Variants in TMEM156 observed in about 807,000 individuals in gnomAD.
TMEM156 encodes transmembrane protein 156.
TMEM156 carries 28 observed loss-of-function variants against 30.5 expected under a neutral mutation model. The ratio of observed to expected loss-of-function variants is 0.92; its 90% CI spans 0.68 to 1.26. The LOEUF (loss-of-function observed/expected upper bound fraction) is 1.26, where lower values mean the gene tolerates loss of function less well. Ranked by LOEUF, TMEM156 falls within the 50% of genes most tolerant of loss-of-function variation. The pLI, the probability that TMEM156 is intolerant of heterozygous loss-of-function variation, is 0.00. For synonymous variants in TMEM156, 137 were observed against 119.9 expected (o/e 1.14, Z -0.93); for missense variants, 351 against 340.6 (o/e 1.03, Z -0.24).
At position 38,976,493 on chromosome 4, in the gene TMEM156, G is replaced by A. The variant is rs1722859816; in HGVS notation, c.824-5356C>T. On this transcript the variant is annotated intron_variant, in intron 5 of 6. Transcript: ENST00000381938. ...GAGCGTAGATGCATAGCATCCAGAT[G>A]GGAATGCAGTCCAGCTGACATCTTG... Among the ~76,000 whole-genome samples, 5 of 152,220 alleles carry A rather than the reference G, an allele frequency of 3.3e-5. No homozygotes were observed. In the South Asian group the frequency reaches 1.0e-3, roughly 32 times the overall value.
intron 5 of TMEM156, 73 bp from the exon 6 acceptor site, chr4:38,971,210 G>T: frequency 7.1e-7 from 1 of 1,407,796 alleles, no homozygotes; most frequent in Non-Finnish European, 1.0e-6. Context: ...TTCTAATGTA[G>T]TAAGAGTAGC....
chr4:38,978,157 A>T (rs1479619014), intron 5 of TMEM156, among the ~76,000 whole-genome samples: 2 of 152,132 alleles, frequency 1.3e-5, no homozygotes, highest in South Asian at 4.1e-4. Context: ...GCCTCTCTTG[A>T]CTGCTAAGGG....
At chr4:38,995,313 A>G (rs2109963764) in intron 2 of TMEM156, among the ~76,000 whole-genome samples, 1 of 152,322 alleles carries the variant, frequency 6.6e-6, no homozygotes. Flanking sequence ...ATTTGAGAGG[A>G]CCCAATTCAA....
chr4:38,984,392 T>C (rs1488699014), intron 5 of TMEM156, among the ~76,000 whole-genome samples: 1 of 149,424 alleles, frequency 6.7e-6, no homozygotes, highest in East Asian at 2.0e-4. Flanking sequence ...TGTTGAACAA[T>C]ACTCACTTTT....
At chr4:39,031,148 A>C (rs1715481027) in intron 1 of TMEM156, among the ~76,000 whole-genome samples, 1 of 152,242 alleles carries the variant, frequency 6.6e-6, no homozygotes, top group African/African-American at 2.4e-5. Context: ...TTTTAATCAA[A>C]TTCATATAAA....
At chr4:38,968,445 T>C (rs1459717081) in intron 6 of TMEM156, among the ~76,000 whole-genome samples, 1 of 152,188 alleles carries the variant, frequency 6.6e-6, no homozygotes, top group Non-Finnish European at 1.5e-5. Context: ...TTTATTGGAA[T>C]TAGGGCTTCT....
intron 1 of TMEM156, among the ~76,000 whole-genome samples, chr4:39,030,147 C>T (rs926453756): frequency 2.0e-5 from 3 of 148,520 alleles, no homozygotes; most frequent in Non-Finnish European, 4.4e-5. Flanking sequence ...GCCCAGGAGT[C>T]AGCCTAGGCA....
chr4:38,967,353 G>A lies in TMEM156; in HGVS notation c.*327C>T, dbSNP rs1002414613. On this transcript the variant is annotated 3_prime_UTR_variant, in exon 7 of 7. Coordinates refer to ENST00000381938, the MANE Select transcript of TMEM156 (RefSeq NM_024943.3). ...TTGGCTCCACTCTGTGCTGTATAAT[G>A]ATAGATTTTTTTTAAGAAGAGAGAG... 2.0e-5 allele frequency: 3 copies of A among 152,136 alleles called. No individual in the cohort carries two copies. The highest frequency in any genetic ancestry group is 6.5e-5 in the Admixed American group (1 of 15,278). The allele number at this position is 152,136 out of a possible 1,614,324, so 9.4% of individuals were successfully genotyped here. A position where few individuals can be genotyped will look rare whatever the true frequency, so the allele number is the denominator to read the frequency against.
At chr4:39,016,000 T>C (rs886866835) in intron 1 of TMEM156, among the ~76,000 whole-genome samples, 1 of 152,184 alleles carries the variant, frequency 6.6e-6, no homozygotes, top group East Asian at 1.9e-4. Flanking sequence ...ATGATGTATG[T>C]CTTTGTCAGC....
rs766165411 is a variant in TMEM156 at position 38,998,850 on chromosome 4, G to T, written c.148C>A (p.Leu50Ile). The part of the protein sequence containing the change: ...VCLQSNFTYS[L>I]SSLNFSFVTF... ...ACAAAAGAAAAATTTAAGGAGGAGA[G>T]TGAATAGGTAAAATTAGATTGCAAA... Residue 50 changes from leucine to isoleucine, a missense_variant, in exon 2 of 7, where the codon CTC becomes ATC. By Grantham distance (5) the Leu-to-Ile change is conservative. Coordinates refer to ENST00000381938, the MANE Select transcript of TMEM156 (RefSeq NM_024943.3). The T allele has an allele frequency of 1.9e-6, 3 of 1,613,742 alleles. No homozygotes were observed. Among genetic ancestry groups the T allele is most frequent in the South Asian group, 2.2e-5 (2 of 91,076 alleles).
chr4:38,984,323 CTT>C (rs1560360155), intron 5 of TMEM156, among the ~76,000 whole-genome samples: 2 of 128,568 alleles, frequency 1.6e-5, no homozygotes, highest in African/African-American at 7.8e-5. Flanking sequence ...CTCTCTCTCT[CTT>C]TCTCTCTGTC....
chr4:38,983,110 G>A (rs904047171), intron 5 of TMEM156, among the ~76,000 whole-genome samples: 1 of 152,094 alleles, frequency 6.6e-6, no homozygotes, highest in African/African-American at 2.4e-5. Flanking sequence ...ACACCAGCGG[G>A]AGCATTCTCA....
At chr4:38,967,736 C>T (rs575741073) in intron 6 of TMEM156, 95 bp from the exon 7 acceptor site, 7 of 152,276 alleles carry the variant, frequency 4.6e-5, no homozygotes, top group Middle Eastern at 3.4e-3. Context: ...ATTTTAAAAC[C>T]GTTTGTTAAA....
At chr4:39,031,240 C>A (rs1715485701) in intron 1 of TMEM156, among the ~76,000 whole-genome samples, 1 of 152,062 alleles carries the variant, frequency 6.6e-6, no homozygotes, top group African/African-American at 2.4e-5. Context: ...ACCATTTGAA[C>A]CTCACATTAA....
intron 5 of TMEM156, among the ~76,000 whole-genome samples, chr4:38,971,558 A>T (rs1722595714): frequency 6.6e-6 from 1 of 152,204 alleles, no homozygotes; most frequent in Non-Finnish European, 1.5e-5. Flanking sequence ...GATGAATTCT[A>T]ATCTGTCTTC....
At chr4:38,988,330 T>C (rs1712148479) in intron 4 of TMEM156, among the ~76,000 whole-genome samples, 1 of 152,174 alleles carries the variant, frequency 6.6e-6, no homozygotes, top group South Asian at 2.1e-4. Context: ...CTCAAGTGAT[T>C]CTTGTGCCTC....
chr4:38,983,284 G>A (rs1452590649), intron 5 of TMEM156, among the ~76,000 whole-genome samples: 1 of 152,116 alleles, frequency 6.6e-6, no homozygotes, highest in Non-Finnish European at 1.5e-5. Context: ...TCAGTCAAGT[G>A]GGCTTCTATC....
At chr4:38,984,142 T>C (rs1711780507) in intron 5 of TMEM156, among the ~76,000 whole-genome samples, 1 of 152,196 alleles carries the variant, frequency 6.6e-6, no homozygotes, top group Non-Finnish European at 1.5e-5. Flanking sequence ...GGGATTTGAT[T>C]CAGTTTGACA....
chr4:38,975,210 T>C lies in TMEM156; in HGVS notation c.824-4073A>G, dbSNP rs563322295. Among the ~76,000 whole-genome samples the C allele has an allele frequency of 2.6e-5, 4 of 152,186 alleles. No homozygotes were observed. The South Asian group carries it at 8.3e-4, about 32-fold the overall frequency. The stretch of plus-strand genomic sequence containing the variant: ...GCCATCTTTACCTGGCCCACAGCAC[T>C]CATCTCCTGCTCTCCTCCACACACA... On this transcript the variant is annotated intron_variant, in intron 5 of 6. Transcript: ENST00000381938.
Sources: gnomAD v4.1 joint callset for allele counts (sites outside exome capture counted in the v4.1 genomes callset) on GRCh38, gnomAD v4.1.1 for gene constraint, MANE v1.5 for transcripts, NCBI Gene and HGNC (gene_info 2026-07-23, HGNC 2026-07-21) for gene names.